The following DNAH11 variants were observed in gnomAD, a reference collection of about 807,000 sequenced individuals.
DNAH11 encodes the protein dynein axonemal heavy chain 11.
DNAH11 carries 442 observed loss-of-function variants against 526.0 expected under a neutral mutation model. The ratio of observed to expected loss-of-function variants is 0.84; its 90% CI spans 0.78 to 0.91. The LOEUF is 0.91. Ranked by LOEUF, DNAH11 falls within the 40% of genes least tolerant of loss-of-function variation. DNAH11 has a pLI of 0.00. For missense variants in DNAH11, 6,989 were observed against 5,448.7 expected, an observed-to-expected ratio of 1.28 and a Z score of -8.90; for synonymous variants, 2,461 against 1,935.9, an observed-to-expected ratio of 1.27 and a Z score of -7.12.
At chr7:21,694,542 T>G (rs1429533391) in intron 35 of DNAH11, among the ~76,000 whole-genome samples, 1 of 152,222 alleles carries the variant, frequency 6.6e-6, no homozygotes, top group Non-Finnish European at 1.5e-5. Flanking sequence ...TTCCTTTTTA[T>G]GGCTGCGTAG....
At chr7:21,656,903 A>G (rs534645622) in intron 29 of DNAH11, among the ~76,000 whole-genome samples, 1 of 152,304 alleles carries the variant, frequency 6.6e-6, no homozygotes, top group African/African-American at 2.4e-5. Context: ...GGATGATATT[A>G]TAATGATTAG....
chr7:21,547,042 T>C (rs931407888), intron 2 of DNAH11, among the ~76,000 whole-genome samples: 2 of 152,228 alleles, frequency 1.3e-5, no homozygotes, highest in African/African-American at 4.8e-5. Context: ...AAAGTTTATT[T>C]TTCTTACAAA....
Position 21,601,189 on chromosome 7 carries a change from T to C in DNAH11, c.3425+10T>C. The C allele has an allele frequency of 1.3e-6, 2 of 1,581,364 alleles. No individual in the cohort carries two copies. The highest frequency in any genetic ancestry group is 1.2e-5 in the South Asian group (1 of 84,592). On this transcript the variant is annotated intron_variant, in intron 17 of 81. Transcript: ENST00000409508. ...GATTTGTCATTGACAGGTAGCCTTTTACTTTGGTTTTTGGAATTATAACTT... is the reference window on the plus strand; with the variant it reads ...GATTTGTCATTGACAGGTAGCCTTTCACTTTGGTTTTTGGAATTATAACTT...
intron 32 of DNAH11, among the ~76,000 whole-genome samples, chr7:21,684,170 G>A (rs1375650808): frequency 6.6e-6 from 1 of 152,166 alleles, no homozygotes; most frequent in Admixed American, 6.5e-5. Context: ...ATTCTGCCTA[G>A]TTATCTACAA....
At chr7:21,745,831 G>A (rs982689154) in intron 51 of DNAH11, among the ~76,000 whole-genome samples, 18 of 152,308 alleles carry the variant, frequency 1.2e-4, no homozygotes, top group Non-Finnish European at 2.9e-5. Flanking sequence ...CCTGTGAAGA[G>A]GTGACATTTA....
Position 21,638,927 on chromosome 7 carries a change from T to G in DNAH11, c.4818-12T>G. The G allele has an allele frequency of 6.3e-7, 1 of 1,594,314 alleles. No homozygotes were observed. Among genetic ancestry groups the G allele is most frequent in the Non-Finnish European group, 8.5e-7 (1 of 1,173,672 alleles). ...GACAAGATATGCTTAAAAACATTTTTCATTCATGTAGGCTTTCTCTTTGTG... is the reference window on the plus strand; with the variant it reads ...GACAAGATATGCTTAAAAACATTTTGCATTCATGTAGGCTTTCTCTTTGTG... On this transcript the variant is annotated splice_polypyrimidine_tract_variant and intron_variant, in intron 27 of 81. Coordinates refer to ENST00000409508, the MANE Select transcript of DNAH11 (RefSeq NM_001277115.2).
At position 21,901,131 on chromosome 7, in the gene DNAH11, CGAGTGCCCTGT is replaced by C; in HGVS notation, c.13430_13440del (p.Glu4477ValfsTer2). The C allele has an allele frequency of 6.2e-7, 1 of 1,613,342 alleles. No homozygotes were observed. The highest frequency in any genetic ancestry group is 1.1e-5 in the South Asian group (1 of 91,088). Reference sequence around the variant, plus strand: ...ACAGACAAGAAACCAAACAGACCTACGAGTGCCCTGTGTATAGAACCAAACTGAGAGGCCCC... The same window carrying C: ...ACAGACAAGAAACCAAACAGACCTACGTATAGAACCAAACTGAGAGGCCCC... On this transcript the variant is annotated frameshift_variant, in exon 82 of 82. Transcript: ENST00000409508. LOFTEE classifies it high-confidence loss of function.
Position 21,842,606 on chromosome 7 carries a change from C to G in DNAH11, c.10754C>G (p.Thr3585Arg). 1 of 1,613,920 alleles carries G rather than the reference C, an allele frequency of 6.2e-7. No homozygotes were observed. Among genetic ancestry groups the G allele is most frequent in the Non-Finnish European group, 8.5e-7 (1 of 1,179,866 alleles). Reference protein sequence around the residue: ...FNKNFRLILHTKLANPHYKPE... With the variant: ...FNKNFRLILHRKLANPHYKPE... The stretch of plus-strand genomic sequence containing the variant: ...AAGAACTTTCGCCTTATCCTTCACA[C>G]AAAATTGGCAAATCCTCACTATAAG... The change falls in exon 66 of 82, where the codon ACA (threonine) becomes AGA (arginine). Residue 3585 changes from threonine (T) to arginine (R), a missense_variant. Coordinates refer to ENST00000409508, the MANE Select transcript of DNAH11 (RefSeq NM_001277115.2).
chr7:21,774,014 T>C lies in DNAH11; in HGVS notation c.9336+15T>C. 1 of 1,522,892 alleles carries C rather than the reference T, an allele frequency of 6.6e-7. No homozygotes were observed. Among genetic ancestry groups the C allele is most frequent in the Non-Finnish European group, 8.8e-7 (1 of 1,134,808 alleles). The allele number at this position is 1,522,892 out of a possible 1,614,324, so 94.3% of individuals were successfully genotyped here. On this transcript the variant is annotated intron_variant, in intron 56 of 81. Transcript: ENST00000409508. The stretch of plus-strand genomic sequence containing the variant: ...CAGCCTCTCAGGTATGACCAGGATG[T>C]GTTATTACTGAGTAATATTTATGCT...
chr7:21,677,629 C>A (rs1210867551), intron 30 of DNAH11, among the ~76,000 whole-genome samples: 5 of 152,246 alleles, frequency 3.3e-5, no homozygotes, highest in Non-Finnish European at 7.3e-5. Context: ...AAGTGATCCA[C>A]CTGCCTGGGC....
intron 54 of DNAH11, among the ~76,000 whole-genome samples, chr7:21,761,507 T>C (rs7779283): frequency 0.7 from 106,228 of 152,100 alleles, 38,339 homozygotes; most frequent in Non-Finnish European, 0.79. Flanking sequence ...ATTTAAGTAT[T>C]GCTGTAGACA....
intron 43 of DNAH11, among the ~76,000 whole-genome samples, chr7:21,719,110 A>G (rs776188253): frequency 1.3e-5 from 2 of 152,194 alleles, no homozygotes; most frequent in Non-Finnish European, 2.9e-5. Flanking sequence ...AAAATAGGTC[A>G]GTAGGAATTA....
intron 18 of DNAH11, among the ~76,000 whole-genome samples, 177 bp from the exon 19 acceptor site, chr7:21,606,249 G>A (rs1414736656): frequency 6.6e-6 from 1 of 152,020 alleles, no homozygotes; most frequent in African/African-American, 2.4e-5. Context: ...CTTGAGCCTT[G>A]GAGGTGAAGG....
intron 69 of DNAH11, among the ~76,000 whole-genome samples, chr7:21,863,318 A>T (rs1235869063): frequency 6.6e-6 from 1 of 152,142 alleles, no homozygotes; most frequent in Non-Finnish European, 1.5e-5. Context: ...GGCATTACAC[A>T]ATGAAATACT....
Position 21,725,805 on chromosome 7 carries a change from C to T in DNAH11, c.7267-6C>T, listed in dbSNP as rs760192867. ...CTGCAATAAGGATTTCTTTTGTTCTCCTTAGATTTCTGATTATCAAGCTGA... is the reference window on the plus strand; with the variant it reads ...CTGCAATAAGGATTTCTTTTGTTCTTCTTAGATTTCTGATTATCAAGCTGA... On this transcript the variant is annotated splice_polypyrimidine_tract_variant and splice_region_variant and intron_variant, in intron 44 of 81. Transcript: ENST00000409508. The T allele has an allele frequency of 3.2e-5, 51 of 1,607,036 alleles. No homozygotes were observed. The highest frequency in any genetic ancestry group is 5.1e-5 in the Admixed American group (3 of 59,226).
chr7:21,599,776 T>C lies in DNAH11; in HGVS notation c.2668-11T>C. The C allele has an allele frequency of 6.6e-7, 1 of 1,517,668 alleles. No individual in the cohort carries two copies. The highest frequency in any genetic ancestry group is 8.8e-7 in the Non-Finnish European group (1 of 1,131,624). 94.0% of individuals were successfully genotyped at this position (1,517,668 alleles called of 1,614,324 possible). ...GTTTATATTCATCCACTAATACTTG[T>C]CTGTTTCTAGGAAAATAGGAAGCTC... On this transcript the variant is annotated splice_polypyrimidine_tract_variant and intron_variant, in intron 14 of 81. Transcript: ENST00000409508.
intron 35 of DNAH11, among the ~76,000 whole-genome samples, chr7:21,694,145 C>G (rs1322972299): frequency 6.6e-6 from 1 of 152,144 alleles, no homozygotes; most frequent in East Asian, 1.9e-4. Flanking sequence ...CAGAGCCAAA[C>G]CATATCATTC....
At chr7:21,841,803 T>C (rs945819539) in intron 65 of DNAH11, among the ~76,000 whole-genome samples, 1 of 152,208 alleles carries the variant, frequency 6.6e-6, no homozygotes, top group African/African-American at 2.4e-5. Flanking sequence ...ATCATACAAA[T>C]GCACGACACT....
At chr7:21,838,823 A>G (rs1470420574) in intron 65 of DNAH11, among the ~76,000 whole-genome samples, 1 of 151,888 alleles carries the variant, frequency 6.6e-6, no homozygotes, top group African/African-American at 2.4e-5. Flanking sequence ...TCGACCTCCC[A>G]AGGCTCAGGT....
Sources: allele counts gnomAD v4.1 joint callset (sites outside exome capture counted in the v4.1 genomes callset), GRCh38; gene constraint gnomAD v4.1.1; transcripts MANE v1.5; gene names NCBI Gene and HGNC (gene_info 2026-07-23, HGNC 2026-07-21).